The following ANXA2 variants were observed in gnomAD, a reference collection of about 807,000 sequenced individuals.
ANXA2 encodes the protein annexin II.
A neutral mutation model predicts 47.3 loss-of-function variants in ANXA2; 28 were observed. The observed-to-expected ratio is 0.59, with a 90% CI of 0.44 to 0.81. ANXA2 has a LOEUF of 0.81. ANXA2 is among the 40% of genes least tolerant of loss of function. The probability of loss-of-function intolerance (pLI) is 0.00; values close to 1 mark genes in which losing one functional copy is unlikely to be tolerated. For synonymous variants in ANXA2, 172 were observed against 155.5 expected (o/e 1.11, Z -0.79); for missense variants, 384 against 414.3 (o/e 0.93, Z 0.64).
chr15:60,361,273 G>A (rs2062508475), intron 4 of ANXA2, among the ~76,000 whole-genome samples: 1 of 152,144 alleles, frequency 6.6e-6, no homozygotes, highest in Admixed American at 6.5e-5. Context: ...TAAAATCCAA[G>A]TTAATTTTGC....
At chr15:60,390,538 G>T in intron 1 of ANXA2, 1 of 464,830 alleles carries the variant, frequency 2.2e-6, no homozygotes, top group South Asian at 1.7e-5. Context: ...TCTGGAAAAC[G>T]GGTAAAATTA....
chr15:60,397,293 C>T (rs2063093562), intron 1 of ANXA2: 9 of 985,464 alleles, frequency 9.1e-6, no homozygotes, highest in Non-Finnish European at 1.1e-5. Flanking sequence ...AAGCGGGAAA[C>T]TCTCCGGGTA....
chr15:60,347,565 T>C lies in ANXA2; in HGVS notation c.*65A>G. 3 of 1,553,012 alleles carry C rather than the reference T, an allele frequency of 1.9e-6. No individual in the cohort carries two copies. Among genetic ancestry groups the C allele is most frequent in the Non-Finnish European group, 2.7e-6 (3 of 1,125,326 alleles). ...CGGGGACTGTTATTCGCAAGCTGGT[T>C]TTCTAGACCTGTTAGCTGGAAGCAT... On this transcript the variant is annotated 3_prime_UTR_variant, in exon 13 of 13. Coordinates refer to ENST00000451270, the MANE Select transcript of ANXA2 (RefSeq NM_004039.3).
At chr15:60,356,998 C>T in intron 6 of ANXA2, 148 bp downstream of exon 6, 1 of 626,188 alleles carries the variant, frequency 1.6e-6, no homozygotes, top group Non-Finnish European at 2.8e-6. Flanking sequence ...ACTTGGACCA[C>T]AGCCAACCTT....
intron 7 of ANXA2, 87 bp from the exon 8 acceptor site, chr15:60,354,300 T>C: frequency 1.9e-6 from 2 of 1,077,092 alleles, no homozygotes; most frequent in East Asian, 2.5e-5. Context: ...ATGTACGCCA[T>C]TATTTAATTT....
chr15:60,390,243 A>T, intron 1 of ANXA2: 4 of 1,024,376 alleles, frequency 3.9e-6, no homozygotes, highest in Non-Finnish European at 4.7e-6. Context: ...ATTTGACATT[A>T]TCCCATGCAG....
intron 1 of ANXA2, among the ~76,000 whole-genome samples, chr15:60,389,836 C>G (rs2062984037): frequency 6.6e-6 from 1 of 152,214 alleles, no homozygotes; most frequent in South Asian, 2.1e-4. Flanking sequence ...ACCACTACTT[C>G]AGTATCTGCT....
intron 6 of ANXA2, among the ~76,000 whole-genome samples, chr15:60,356,509 C>A (rs1191997354): frequency 6.6e-6 from 1 of 151,642 alleles, no homozygotes; most frequent in Admixed American, 6.6e-5. Flanking sequence ...TGTAATGTTC[C>A]TGATACAAAA....
At chr15:60,353,543 A>G (rs2062379839) in intron 8 of ANXA2, among the ~76,000 whole-genome samples, 1 of 152,236 alleles carries the variant, frequency 6.6e-6, no homozygotes, top group Admixed American at 6.5e-5. Context: ...GCATTATAAG[A>G]GAATGTCTTC....
chr15:60,396,453 GA>G (rs2063082485), intron 1 of ANXA2: 2 of 152,124 alleles, frequency 1.3e-5, no homozygotes, highest in South Asian at 4.2e-4. Flanking sequence ...GTGGAAAAAA[GA>G]AAGTGGAACA....
chr15:60,380,632 C>T (rs1409422657), intron 3 of ANXA2, among the ~76,000 whole-genome samples: 1 of 151,488 alleles, frequency 6.6e-6, no homozygotes, highest in Non-Finnish European at 1.5e-5. Context: ...TGGAGAAACC[C>T]TGTCTCTACT....
rs763531226 is a variant in ANXA2 at position 60,364,424 on chromosome 15, T to C, written c.243+5A>G. The C allele has an allele frequency of 4.4e-6, 7 of 1,608,674 alleles. No homozygotes were observed. Among genetic ancestry groups the C allele is most frequent in the Middle Eastern group, 1.7e-4 (1 of 5,990 alleles). On this transcript the variant is annotated splice_donor_5th_base_variant and intron_variant, in intron 4 of 12. Coordinates refer to ENST00000451270, the MANE Select transcript of ANXA2 (RefSeq NM_004039.3). ...AATGCCCTCCATCCCTGGAATTGCCTGTACCTTTTTGGTCCTTCTCTGGTA... is the reference window on the plus strand; with the variant it reads ...AATGCCCTCCATCCCTGGAATTGCCCGTACCTTTTTGGTCCTTCTCTGGTA...
intron 6 of ANXA2, among the ~76,000 whole-genome samples, chr15:60,356,413 TAAGA>T (rs1319780264): frequency 6.6e-6 from 1 of 152,074 alleles, no homozygotes; most frequent in Non-Finnish European, 1.5e-5. Flanking sequence ...CAAAAACTAC[TAAGA>T]ATTAAACAAT....
At chr15:60,379,138 G>A (rs1329017749) in intron 3 of ANXA2, among the ~76,000 whole-genome samples, 1 of 151,630 alleles carries the variant, frequency 6.6e-6, no homozygotes, top group East Asian at 1.9e-4. Context: ...AATTAACCAG[G>A]TGTGGTGGCG....
intron 1 of ANXA2, 47 bp downstream of exon 1, chr15:60,397,896 C>A: frequency 7.4e-7 from 1 of 1,350,570 alleles, no homozygotes; most frequent in Non-Finnish European, 9.5e-7. Flanking sequence ...CTCCACACCC[C>A]GCTAGCTGGC....
intron 3 of ANXA2, among the ~76,000 whole-genome samples, chr15:60,380,480 C>G (rs1284685218): frequency 2.9e-5 from 4 of 139,970 alleles, no homozygotes. Flanking sequence ...CAAGAATGGT[C>G]ATTTAAATGC....
intron 3 of ANXA2, among the ~76,000 whole-genome samples, chr15:60,369,601 T>C (rs569540856): frequency 1.3e-5 from 2 of 152,326 alleles, no homozygotes; most frequent in South Asian, 4.1e-4. Context: ...CCCACCTGCA[T>C]TAAAATCACG....
intron 3 of ANXA2, among the ~76,000 whole-genome samples, chr15:60,380,324 C>T (rs1474716248): frequency 2.6e-5 from 4 of 152,010 alleles, no homozygotes; most frequent in Admixed American, 6.6e-5. Flanking sequence ...TTCCCCAAGT[C>T]GGGTGGCTAA....
chr15:60,367,362 G>A (rs2062638549), intron 3 of ANXA2, among the ~76,000 whole-genome samples: 1 of 101,962 alleles, frequency 9.8e-6, no homozygotes. Flanking sequence ...GAGCCCCTCT[G>A]CCCGGCCAGC....
Sources: allele counts gnomAD v4.1 joint callset (sites outside exome capture counted in the v4.1 genomes callset), GRCh38; gene constraint gnomAD v4.1.1; transcripts MANE v1.5; gene names NCBI Gene and HGNC (gene_info 2026-07-23, HGNC 2026-07-21).